FGD4: variants seen among roughly 807,000 people sequenced by gnomAD.
The protein encoded by FGD4 is FYVE, RhoGEF and PH domain-containing protein 4.
FGD4 carries 42 observed loss-of-function variants against 102.0 expected under a neutral mutation model. The observed-to-expected ratio is 0.41, with a 90% CI of 0.32 to 0.53. The LOEUF is 0.53. Ranked by LOEUF, FGD4 falls within the 20% of genes least tolerant of loss-of-function variation. FGD4 has a pLI of 0.21. For synonymous variants in FGD4, 380 were observed against 375.7 expected (o/e 1.01, Z -0.13); for missense variants, 902 against 1,078.2 (o/e 0.84, Z 2.29).
At chr12:32,442,987 A>G (rs1942495378) in intron 1 of FGD4, among the ~76,000 whole-genome samples, 1 of 152,108 alleles carries the variant, frequency 6.6e-6, no homozygotes, top group South Asian at 2.1e-4. Context: ...GTCTTGACAG[A>G]TGTCTATTCA....
At chr12:32,629,659 T>A (rs1443041073) in intron 14 of FGD4, among the ~76,000 whole-genome samples, 1 of 152,222 alleles carries the variant, frequency 6.6e-6, no homozygotes, top group Non-Finnish European at 1.5e-5. Flanking sequence ...AGCATTTTAT[T>A]CATCTCTATC....
intron 10 of FGD4, among the ~76,000 whole-genome samples, chr12:32,613,935 T>C (rs1026198021): frequency 6.6e-6 from 1 of 152,144 alleles, no homozygotes; most frequent in African/African-American, 2.4e-5. Context: ...ATGGAGACAA[T>C]GCCGCAAAGA....
intron 1 of FGD4, among the ~76,000 whole-genome samples, chr12:32,561,080 T>TTTTTG (rs1944530437): frequency 8.9e-6 from 1 of 112,002 alleles, no homozygotes; most frequent in Non-Finnish European, 1.9e-5. Context: ...GTTTTGTTTT[T>TTTTTG]TTTTTTTTTT....
At chr12:32,429,391 C>T (rs1294304854) in intron 1 of FGD4, among the ~76,000 whole-genome samples, 1 of 152,226 alleles carries the variant, frequency 6.6e-6, no homozygotes, top group Admixed American at 6.5e-5. Context: ...CTCTTCCTTC[C>T]TCTGGAAGCT....
At position 32,478,128 on chromosome 12, in the gene FGD4, C is replaced by A. The variant is rs899427430; in HGVS notation, c.166+78169C>A. Among the ~76,000 whole-genome samples, 12 of 152,136 alleles carry A rather than the reference C, an allele frequency of 7.9e-5. 1 individual carries two copies. The highest frequency in any genetic ancestry group is 2.9e-4 in the African/African-American group (12 of 41,438). ...TCATAGGATCTGATTAGTATTAAGT[C>A]TTTGACCTTTATTTTCTTTTTTATC... On this transcript the variant is annotated intron_variant, in intron 1 of 16. Transcript: ENST00000534526.
chr12:32,512,129 T>C (rs1173724632), intron 1 of FGD4, among the ~76,000 whole-genome samples: 1 of 152,084 alleles, frequency 6.6e-6, no homozygotes, highest in Non-Finnish European at 1.5e-5. Flanking sequence ...AAACTGAAAG[T>C]TGTGGCTTGA....
chr12:32,478,559 C>A (rs1943642994), intron 1 of FGD4, among the ~76,000 whole-genome samples: 1 of 152,168 alleles, frequency 6.6e-6, no homozygotes, highest in Non-Finnish European at 1.5e-5. Context: ...AGCCGTTGTG[C>A]CTGGCTTCTT....
At chr12:32,502,291 A>G (rs1443032898) in intron 1 of FGD4, 3 of 985,430 alleles carry the variant, frequency 3.0e-6, no homozygotes, top group Non-Finnish European at 3.6e-6. Context: ...GTTTTACTTC[A>G]ACCATTTGTG....
chr12:32,492,690 G>T (rs1944147288), intron 1 of FGD4, among the ~76,000 whole-genome samples: 1 of 152,110 alleles, frequency 6.6e-6, no homozygotes, highest in African/African-American at 2.4e-5. Flanking sequence ...GTATATGAAT[G>T]TATACCAAAA....
chr12:32,441,602 A>G (rs1942437549), intron 1 of FGD4, among the ~76,000 whole-genome samples: 1 of 151,820 alleles, frequency 6.6e-6, no homozygotes, highest in African/African-American at 2.4e-5. Context: ...TTGGAGCTGC[A>G]AGCTGCGCAA....
rs1472416986 is a variant in FGD4 at position 32,636,069 on chromosome 12, C to G, written c.2313+2380C>G. Among the ~76,000 whole-genome samples the G allele has an allele frequency of 4.6e-5, 7 of 151,252 alleles. No individual in the cohort carries two copies. In the East Asian group the frequency reaches 9.7e-4, roughly 21 times the overall value. ...AGGATCTACTAATAAGAATGGAATTCTTTGGGGGAGGATAACCATTCACTT... is the reference window on the plus strand; with the variant it reads ...AGGATCTACTAATAAGAATGGAATTGTTTGGGGGAGGATAACCATTCACTT... On this transcript the variant is annotated intron_variant, in intron 15 of 16. Coordinates refer to ENST00000534526, the MANE Select transcript of FGD4 (RefSeq NM_001370298.3).
At chr12:32,576,175 T>C in intron 2 of FGD4, 91 bp from the exon 3 acceptor site, 1 of 1,283,178 alleles carries the variant, frequency 7.8e-7, no homozygotes, top group South Asian at 1.3e-5. Context: ...AATTTTATAA[T>C]GCTGAATATT....
Position 32,479,810 on chromosome 12 carries a change from A to G in FGD4, c.166+79851A>G, listed in dbSNP as rs533114407. On this transcript the variant is annotated intron_variant, in intron 1 of 16. Transcript: ENST00000534526. Reference sequence around the variant, plus strand: ...TCTTTTTTTTTTTTTTTTTTTTGAGATTGGGTCTCACTCTGTCACCCTGGC... The same window carrying G: ...TCTTTTTTTTTTTTTTTTTTTTGAGGTTGGGTCTCACTCTGTCACCCTGGC... Among the ~76,000 whole-genome samples, 34 of 100,806 alleles carry G rather than the reference A, an allele frequency of 3.4e-4. No homozygotes were observed. The South Asian group carries it at 0.01, about 30-fold the overall frequency. The allele number at this position is 100,806 out of a possible 152,430, so 66.1% of individuals were successfully genotyped here. A position where few individuals can be genotyped will look rare whatever the true frequency, so the allele number is the denominator to read the frequency against.
chr12:32,574,560 T>C (rs905846761), intron 2 of FGD4, among the ~76,000 whole-genome samples: 114 of 152,346 alleles, frequency 7.5e-4, no homozygotes, highest in African/African-American at 2.6e-3. Flanking sequence ...CAAACATATG[T>C]TGGAAAATAT....
At chr12:32,405,180 G>T (rs190402593) in intron 1 of FGD4, among the ~76,000 whole-genome samples, 2 of 151,060 alleles carry the variant, frequency 1.3e-5, no homozygotes, top group South Asian at 4.2e-4. Flanking sequence ...TGATCCACCC[G>T]CCTCAGCCTC....
chr12:32,550,451 C>T (rs1052752775), intron 1 of FGD4, among the ~76,000 whole-genome samples: 4 of 152,042 alleles, frequency 2.6e-5, no homozygotes, highest in African/African-American at 9.7e-5. Context: ...AGTAGGATCG[C>T]TTGAGCCCAA....
intron 1 of FGD4, among the ~76,000 whole-genome samples, chr12:32,528,611 G>A (rs1272190106): frequency 3.3e-5 from 5 of 152,010 alleles, no homozygotes; most frequent in African/African-American, 9.7e-5. Context: ...TGCTGTTCTC[G>A]AACTCCTGAC....
At chr12:32,594,824 G>C (rs769516338) in intron 4 of FGD4, among the ~76,000 whole-genome samples, 25 of 152,206 alleles carry the variant, frequency 1.6e-4, no homozygotes, top group Middle Eastern at 3.2e-3. Flanking sequence ...AAGGTCAGGA[G>C]TTCGAGACCA....
intron 1 of FGD4, among the ~76,000 whole-genome samples, chr12:32,561,997 G>T (rs1363831200): frequency 1.3e-5 from 2 of 152,100 alleles, no homozygotes; most frequent in African/African-American, 4.8e-5. Context: ...GGGCGAGAGG[G>T]TGTGTGTGTG....
Sources: gnomAD v4.1 joint callset for allele counts (sites outside exome capture counted in the v4.1 genomes callset) on GRCh38, gnomAD v4.1.1 for gene constraint, MANE v1.5 for transcripts, NCBI Gene and HGNC (gene_info 2026-07-23, HGNC 2026-07-21) for gene names.